The following ABCB1 variants were observed in gnomAD, a reference collection of about 807,000 sequenced individuals.
ABCB1 encodes ATP binding cassette subfamily B member 1.
A neutral mutation model predicts 142.0 loss-of-function variants in ABCB1; 69 were observed. The ratio of observed to expected loss-of-function variants is 0.49; its 90% confidence interval spans 0.40 to 0.59. The LOEUF is 0.59. Among genes scored for constraint, ABCB1 ranks in the 20% least tolerant of loss-of-function variants. ABCB1 has a pLI of 0.00. For missense variants in ABCB1, 1,326 were observed against 1,554.7 expected (o/e 0.85, Z 2.47); for synonymous variants, 532 against 539.2 (o/e 0.99, Z 0.18).
At chr7:87,522,365 T>C in intron 21 of ABCB1, 1 of 720,942 alleles carries the variant, frequency 1.4e-6, no homozygotes, top group Non-Finnish European at 2.6e-6. Flanking sequence ...CCAAGGTGGC[T>C]ATGGCAGTTC....
chr7:87,663,369 G>A (rs76190983), intron 1 of ABCB1, among the ~76,000 whole-genome samples: 7,311 of 151,992 alleles, frequency 0.048, 262 homozygotes, highest in East Asian at 0.089. Flanking sequence ...CAGTTCAGCT[G>A]CATTCTTCCC....
At chr7:87,547,713 T>C (rs558885637) in intron 14 of ABCB1, among the ~76,000 whole-genome samples, 42 of 151,684 alleles carry the variant, frequency 2.8e-4, no homozygotes, top group African/African-American at 9.9e-4. Context: ...TTACTAAAAA[T>C]ACAAAAATTA....
At chr7:87,598,045 A>G (rs757877076) in intron 2 of ABCB1, among the ~76,000 whole-genome samples, 10 of 152,146 alleles carry the variant, frequency 6.6e-5, no homozygotes, top group Non-Finnish European at 1.0e-4. Context: ...GTATACCTGT[A>G]TCAAACTGAA....
chr7:87,522,361 T>C, intron 21 of ABCB1: 2 of 723,590 alleles, frequency 2.8e-6, no homozygotes, highest in Non-Finnish European at 2.6e-6. Context: ...GAAACCAAGG[T>C]GGCTATGGCA....
At chr7:87,689,526 A>G (rs1397481619) in intron 1 of ABCB1, among the ~76,000 whole-genome samples, 2 of 151,280 alleles carry the variant, frequency 1.3e-5, no homozygotes. Flanking sequence ...ATATTACTTT[A>G]GCTAATATTG....
intron 5 of ABCB1, among the ~76,000 whole-genome samples, chr7:87,569,304 G>A (rs1245134088): frequency 7.2e-6 from 1 of 139,740 alleles, no homozygotes. Flanking sequence ...CTGCACTCCA[G>A]CCTGGGGGAC....
At chr7:87,577,612 G>A (rs1818323749) in intron 4 of ABCB1, among the ~76,000 whole-genome samples, 1 of 152,150 alleles carries the variant, frequency 6.6e-6, no homozygotes, top group Admixed American at 6.5e-5. Flanking sequence ...TTGGCTAAAA[G>A]CCATTTTAAC....
chr7:87,544,108 A>C, intron 17 of ABCB1, 21 bp downstream of exon 17: 1 of 1,613,610 alleles, frequency 6.2e-7, no homozygotes, highest in Non-Finnish European at 8.5e-7. Context: ...AGTAAATCAC[A>C]CAAATGGGCA....
At chr7:87,642,092 A>G (rs1822517989) in intron 1 of ABCB1, among the ~76,000 whole-genome samples, 1 of 151,802 alleles carries the variant, frequency 6.6e-6, no homozygotes, top group African/African-American at 2.4e-5. Flanking sequence ...TGGAAATTTT[A>G]ATTATAATAA....
At chr7:87,629,527 T>C (rs961226143) in intron 1 of ABCB1, among the ~76,000 whole-genome samples, 1 of 152,216 alleles carries the variant, frequency 6.6e-6, no homozygotes, top group Non-Finnish European at 1.5e-5. Flanking sequence ...CTGTGGAGGA[T>C]ACCTAGTCTT....
chr7:87,511,866 G>C (rs1226880136), intron 25 of ABCB1, among the ~76,000 whole-genome samples: 1 of 152,152 alleles, frequency 6.6e-6, no homozygotes, highest in Non-Finnish European at 1.5e-5. Context: ...AGGGGGTTCT[G>C]ACTGTTGTAT....
At chr7:87,587,072 G>A (rs966090680) in intron 3 of ABCB1, among the ~76,000 whole-genome samples, 3 of 151,996 alleles carry the variant, frequency 2.0e-5, no homozygotes, top group Admixed American at 6.5e-5. Flanking sequence ...GGGACAACAC[G>A]TTTTGGCATA....
chr7:87,644,867 T>A (rs1055008965), intron 1 of ABCB1, among the ~76,000 whole-genome samples: 5 of 151,962 alleles, frequency 3.3e-5, no homozygotes, highest in Non-Finnish European at 5.9e-5. Flanking sequence ...TTATTTTTGA[T>A]TTGTCCTCAC....
At chr7:87,710,161 T>C (rs1363832952) in intron 1 of ABCB1, among the ~76,000 whole-genome samples, 2 of 152,190 alleles carry the variant, frequency 1.3e-5, no homozygotes, top group Non-Finnish European at 2.9e-5. Flanking sequence ...GATGTTAGAC[T>C]GATTATTTTC....
Position 87,669,423 on chromosome 7 carries a change from T to C in ABCB1, c.-331+43738A>G, listed in dbSNP as rs117457838. ...AGCATACCATTGGGTCTTGCTTTTT[T>C]ATCCAGCTTCTCACTGTGCCTTTTA... is the stretch of plus-strand genomic sequence containing the variant. On this transcript the variant is annotated intron_variant, in intron 1 of 28. Coordinates refer to the ABCB1 transcript ENST00000265724. 2.8e-3 allele frequency among the ~76,000 whole-genome samples: 432 copies of C among 152,330 alleles called. 6 individuals are homozygous for C. The East Asian group carries it at 0.05, about 17-fold the overall frequency.
In ABCB1 at chr7:87,515,274, A is replaced by C. The variant is rs1288076350; in HGVS notation, c.3239T>G (p.Val1080Gly). Residue 1080 changes from valine (V) to glycine (G), a missense_variant, in exon 25 of 28, where the codon GTC becomes GGC. Coordinates refer to ENST00000622132, the MANE Select transcript of ABCB1 (RefSeq NM_001348946.2). ...GTCGTAGAACCGCTCCAGGAGCTGG[A>C]CCACTGTGCTCTTCCCACAGCCACT... ...GSSGCGKSTV[V>G]QLLERFYDPL... The C allele has an allele frequency of 1.2e-6, 2 of 1,614,138 alleles. No individual in the cohort carries two copies. Among genetic ancestry groups the C allele is most frequent in the East Asian group, 4.5e-5 (2 of 44,886 alleles).
chr7:87,521,192 CAGTGCTCTTTCTTCTATG>C, intron 21 of ABCB1: 1 of 394,108 alleles, frequency 2.5e-6, no homozygotes, highest in Non-Finnish European at 4.7e-6. Flanking sequence ...ACTTCTATTG[CAGTGCTCTTTCTTCTATG>C]ATGATCACAT....
At chr7:87,608,875 A>G (rs115846914) in intron 1 of ABCB1, among the ~76,000 whole-genome samples, 129 of 152,342 alleles carry the variant, frequency 8.5e-4, no homozygotes, top group African/African-American at 3.1e-3. Flanking sequence ...ACAGTTGGTT[A>G]GATCTGACTT....
intron 1 of ABCB1, among the ~76,000 whole-genome samples, chr7:87,641,720 A>T (rs1822475597): frequency 6.6e-6 from 1 of 152,210 alleles, no homozygotes; most frequent in African/African-American, 2.4e-5. Context: ...AAAATATTTT[A>T]TGAAAGAAAG....
Sources: allele counts gnomAD v4.1 joint callset (sites outside exome capture counted in the v4.1 genomes callset), GRCh38; gene constraint gnomAD v4.1.1; transcripts MANE v1.5; gene names NCBI Gene and HGNC (gene_info 2026-07-23, HGNC 2026-07-21).